NKAIN2: variants seen among roughly 807,000 people sequenced by gnomAD.
NKAIN2 encodes the protein sodium/potassium transporting ATPase interacting 2.
NKAIN2 carries 14 observed loss-of-function variants against 32.6 expected under a neutral mutation model. The observed-to-expected ratio is 0.43, with a 90% CI of 0.28 to 0.67. The LOEUF (loss-of-function observed/expected upper bound fraction) is 0.67. Ranked by LOEUF, NKAIN2 falls within the 30% of genes least tolerant of loss-of-function variation. NKAIN2 has a pLI of 0.17. For missense variants in NKAIN2, 198 were observed against 258.3 expected, an observed-to-expected ratio of 0.77 and a Z score of 1.60; for synonymous variants, 80 against 87.2, an observed-to-expected ratio of 0.92 and a Z score of 0.46.
At chr6:124,806,968 G>A (rs954463052) in intron 5 of NKAIN2, among the ~76,000 whole-genome samples, 4 of 152,146 alleles carry the variant, frequency 2.6e-5, no homozygotes, top group African/African-American at 9.7e-5. Context: ...ATCCAATACA[G>A]GAGGACCCAG....
At chr6:124,591,364 C>A (rs1029504440) in intron 3 of NKAIN2, among the ~76,000 whole-genome samples, 7 of 152,072 alleles carry the variant, frequency 4.6e-5, no homozygotes, top group African/African-American at 1.2e-4. Flanking sequence ...GAAGAAAATT[C>A]TATGGAAAAT....
At chr6:124,187,414 C>A (rs879585420) in intron 1 of NKAIN2, among the ~76,000 whole-genome samples, 4 of 152,082 alleles carry the variant, frequency 2.6e-5, no homozygotes, top group African/African-American at 7.2e-5. Flanking sequence ...TAAGGGCTTT[C>A]TTTATTCTAT....
At chr6:124,089,934 CCA>C (rs142863765) in intron 1 of NKAIN2, among the ~76,000 whole-genome samples, 2,936 of 151,932 alleles carry the variant, frequency 0.019, 83 homozygotes, top group African/African-American at 0.064. Context: ...GGATTCACTT[CCA>C]GAGTCATCTC....
chr6:123,978,460 A>G (rs1422005463), intron 1 of NKAIN2, among the ~76,000 whole-genome samples: 2 of 152,186 alleles, frequency 1.3e-5, no homozygotes, highest in Non-Finnish European at 2.9e-5. Context: ...AACAATTATT[A>G]ATATAGTATC....
At chr6:123,980,498 C>T (rs1309735425) in intron 1 of NKAIN2, among the ~76,000 whole-genome samples, 3 of 152,150 alleles carry the variant, frequency 2.0e-5, no homozygotes, top group African/African-American at 4.8e-5. Context: ...GTTGCTGAAA[C>T]GTCGTCTTGA....
chr6:124,512,425 G>T (rs1451512977), intron 3 of NKAIN2, among the ~76,000 whole-genome samples: 1 of 152,144 alleles, frequency 6.6e-6, no homozygotes, highest in East Asian at 1.9e-4. Flanking sequence ...GAAGGAAAAA[G>T]ACCCATATAC....
chr6:124,617,886 A>G (rs918802784), intron 3 of NKAIN2, among the ~76,000 whole-genome samples: 2 of 152,194 alleles, frequency 1.3e-5, no homozygotes, highest in Non-Finnish European at 2.9e-5. Context: ...AACCAGTTGA[A>G]TCTAGACCGT....
chr6:124,691,080 A>G (rs1326096831), intron 4 of NKAIN2, among the ~76,000 whole-genome samples: 1 of 152,132 alleles, frequency 6.6e-6, no homozygotes. Flanking sequence ...AACTTTTTAT[A>G]TTTGTTTTAT....
chr6:124,462,569 T>C (rs1202334040), intron 3 of NKAIN2, among the ~76,000 whole-genome samples: 1 of 152,042 alleles, frequency 6.6e-6, no homozygotes, highest in Non-Finnish European at 1.5e-5. Context: ...GGTAATGCCA[T>C]TTTTATATAT....
At chr6:124,726,113 C>T (rs992893376) in intron 4 of NKAIN2, among the ~76,000 whole-genome samples, 11 of 152,174 alleles carry the variant, frequency 7.2e-5, no homozygotes, top group East Asian at 1.9e-4. Context: ...AACTGCAAGG[C>T]GGCAGCGAGC....
At chr6:124,101,539 T>C (rs1414076551) in intron 1 of NKAIN2, among the ~76,000 whole-genome samples, 2 of 152,190 alleles carry the variant, frequency 1.3e-5, no homozygotes, top group Admixed American at 6.5e-5. Flanking sequence ...TATTAATTTA[T>C]TGTTATAAAT....
chr6:124,053,119 G>A (rs144370292), intron 1 of NKAIN2, among the ~76,000 whole-genome samples: 2 of 151,610 alleles, frequency 1.3e-5, no homozygotes, highest in Non-Finnish European at 2.9e-5. Context: ...TTAATTTCAG[G>A]GGTCAATGTG....
intron 1 of NKAIN2, among the ~76,000 whole-genome samples, chr6:123,990,886 T>C (rs1779383281): frequency 6.6e-6 from 1 of 152,228 alleles, no homozygotes; most frequent in Admixed American, 6.5e-5. Flanking sequence ...TGCCACAATT[T>C]GAGCAAGCTC....
chr6:124,640,322 A>G (rs147688764), intron 3 of NKAIN2, among the ~76,000 whole-genome samples: 495 of 152,308 alleles, frequency 3.2e-3, no homozygotes, highest in Non-Finnish European at 2.6e-3. Context: ...CTGTGCCTTC[A>G]TGCTAATTAA....
intron 3 of NKAIN2, among the ~76,000 whole-genome samples, chr6:124,363,317 G>A (rs994950864): frequency 2.0e-5 from 3 of 152,120 alleles, no homozygotes; most frequent in Non-Finnish European, 2.9e-5. Flanking sequence ...AGCTATATTC[G>A]AAAAAGATGA....
At chr6:123,926,107 C>T (rs925110491) in intron 1 of NKAIN2, among the ~76,000 whole-genome samples, 3 of 152,162 alleles carry the variant, frequency 2.0e-5, no homozygotes, top group Non-Finnish European at 2.9e-5. Flanking sequence ...TCATGGCCTA[C>T]TCATCTCTCA....
In NKAIN2 at chr6:124,554,846, G is replaced by A. The variant is rs191131662; in HGVS notation, c.274-103340G>A. Among the ~76,000 whole-genome samples the A allele has an allele frequency of 1.8e-3, 275 of 152,246 alleles. 1 individual carries two copies. Among genetic ancestry groups the A allele is most frequent in the African/African-American group, 6.2e-3 (258 of 41,526 alleles). On this transcript the variant is annotated intron_variant, in intron 3 of 6. Coordinates refer to ENST00000368417, the MANE Select transcript of NKAIN2 (RefSeq NM_001040214.3). ...GGTTTTCAGGCATGCCAACAAGCCC[G>A]TGGGGAATCTGGTTTGACACTGGTC...
At chr6:123,894,809 G>C (rs905990915) in intron 1 of NKAIN2, among the ~76,000 whole-genome samples, 3 of 151,988 alleles carry the variant, frequency 2.0e-5, no homozygotes, top group Admixed American at 6.6e-5. Flanking sequence ...AACCTCTAAG[G>C]GCAATCAAAA....
At chr6:124,766,771 G>A (rs1425193354) in intron 4 of NKAIN2, among the ~76,000 whole-genome samples, 2 of 152,144 alleles carry the variant, frequency 1.3e-5, no homozygotes, top group Admixed American at 1.3e-4. Context: ...TCAATCCAAA[G>A]AATTATAACA....
Sources: allele counts gnomAD v4.1 joint callset (sites outside exome capture counted in the v4.1 genomes callset), GRCh38; gene constraint gnomAD v4.1.1; transcripts MANE v1.5; gene names NCBI Gene and HGNC (gene_info 2026-07-23, HGNC 2026-07-21).